Variants in JAK1 observed in about 807,000 individuals in gnomAD.
JAK1 encodes the protein Janus kinase 1, also known as tyrosine-protein kinase JAK1.
Under a neutral mutation model 136.6 loss-of-function variants are expected in JAK1, and 16 were observed. The ratio of observed to expected loss-of-function variants is 0.12; its 90% CI spans 0.08 to 0.18. The LOEUF is 0.18. Ranked by LOEUF, JAK1 falls within the 10% of genes least tolerant of loss-of-function variation. The pLI, the probability that JAK1 is intolerant of heterozygous loss-of-function variation, is 1.00. For missense variants in JAK1, 859 were observed against 1,450.1 expected (o/e 0.59, Z 6.62); for synonymous variants, 492 against 519.5 (o/e 0.95, Z 0.72).
chr1:64,973,019 C>A (rs759324912), intron 2 of JAK1: 3 of 151,788 alleles, frequency 2.0e-5, no homozygotes, highest in Non-Finnish European at 4.4e-5. Context: ...ACTGAGGAGG[C>A]TGAGGCAGGA....
rs1183218798 is a variant in JAK1, at chr1:64,928,778, C to CAAAAAAAAAAAAAAAAAAA, written c.-78+37554_-78+37555insTTTTTTTTTTTTTTTTTTT. Among the ~76,000 whole-genome samples, 65 of 61,116 alleles carry CAAAAAAAAAAAAAAAAAAA rather than the reference C, an allele frequency of 1.1e-3. 1 individual carries two copies. The highest frequency in any genetic ancestry group is 1.6e-3 in the Non-Finnish European group (52 of 31,840). The allele number at this position is 61,116 out of a possible 152,430, so 40.1% of individuals were successfully genotyped here. A position where few individuals can be genotyped will look rare whatever the true frequency, so the allele number is the denominator to read the frequency against. On this transcript the variant is annotated intron_variant, in intron 1 of 24. Transcript: ENST00000342505. ...AGGTTCTGAGTGCTATAAAACTCTGCAAAAAAAAAAAAAAAAAACAAAAAA... is the reference window on the plus strand; with the variant it reads ...AGGTTCTGAGTGCTATAAAACTCTGCAAAAAAAAAAAAAAAAAAAAAAAAAAAAAAAAAAAAACAAAAAA...
chr1:64,884,393 TG>T (rs1196378138), intron 2 of JAK1, among the ~76,000 whole-genome samples: 3 of 152,196 alleles, frequency 2.0e-5, no homozygotes, highest in Non-Finnish European at 2.9e-5. Context: ...ACTTTCTTCC[TG>T]TCTGCCAAGC....
intron 1 of JAK1, among the ~76,000 whole-genome samples, chr1:65,058,706 G>A (rs930850119): frequency 1.3e-5 from 2 of 152,142 alleles, no homozygotes; most frequent in Non-Finnish European, 2.9e-5. Context: ...AAATTAGAAT[G>A]AAAGATGAAC....
At chr1:64,954,361 A>G (rs1045796552) in intron 1 of JAK1, among the ~76,000 whole-genome samples, 2 of 152,206 alleles carry the variant, frequency 1.3e-5, no homozygotes, top group African/African-American at 4.8e-5. Flanking sequence ...ACACAGTAAA[A>G]GCTAATAAAT....
chr1:64,903,703 T>C (rs935737105), intron 1 of JAK1, among the ~76,000 whole-genome samples: 2 of 152,222 alleles, frequency 1.3e-5, no homozygotes, highest in African/African-American at 2.4e-5. Flanking sequence ...TTAGTGCTGA[T>C]AGCATCATAA....
intron 10 of JAK1, among the ~76,000 whole-genome samples, chr1:64,856,629 A>G (rs377298135): frequency 6.6e-6 from 1 of 152,196 alleles, no homozygotes; most frequent in African/African-American, 2.4e-5. Flanking sequence ...TAAACACATT[A>G]AACTTCCTCC....
At chr1:64,923,485 T>A (rs1401115612) in intron 1 of JAK1, among the ~76,000 whole-genome samples, 1 of 152,168 alleles carries the variant, frequency 6.6e-6, no homozygotes, top group African/African-American at 2.4e-5. Context: ...TTTTTAACAC[T>A]CCAAAACCAC....
intron 2 of JAK1, among the ~76,000 whole-genome samples, chr1:65,039,666 C>T (rs522815): frequency 0.13 from 20,324 of 152,090 alleles, 1,704 homozygotes; most frequent in East Asian, 0.33. Context: ...CATTGAGCTG[C>T]GTACCAGTGG....
chr1:64,848,796 G>A (rs193243301), intron 12 of JAK1, among the ~76,000 whole-genome samples: 1 of 152,284 alleles, frequency 6.6e-6, no homozygotes, highest in Admixed American at 6.5e-5. Context: ...GACTGTCACT[G>A]ATACCTAGGG....
chr1:64,868,672 C>T (rs888419858), intron 6 of JAK1, among the ~76,000 whole-genome samples: 1 of 152,138 alleles, frequency 6.6e-6, no homozygotes, highest in Non-Finnish European at 1.5e-5. Context: ...ACAAACAATG[C>T]AGCTACGAAA....
At chr1:65,028,253 A>G (rs1359264120) in intron 2 of JAK1, among the ~76,000 whole-genome samples, 1 of 151,948 alleles carries the variant, frequency 6.6e-6, no homozygotes, top group Non-Finnish European at 1.5e-5. Context: ...TCCCCTCACA[A>G]TTCTTATTCT....
chr1:65,002,152 C>T (rs1466174833), intron 2 of JAK1, among the ~76,000 whole-genome samples: 2 of 152,180 alleles, frequency 1.3e-5, no homozygotes, highest in African/African-American at 4.8e-5. Flanking sequence ...AACACACACA[C>T]GTATATACGT....
intron 1 of JAK1, among the ~76,000 whole-genome samples, chr1:65,056,649 G>T (rs1647553342): frequency 6.6e-6 from 1 of 152,160 alleles, no homozygotes; most frequent in South Asian, 2.1e-4. Flanking sequence ...GAGGCCGGGT[G>T]CAGTGGCTCA....
At chr1:65,010,553 C>T (rs897012310) in intron 2 of JAK1, among the ~76,000 whole-genome samples, 2 of 152,222 alleles carry the variant, frequency 1.3e-5, no homozygotes, top group Admixed American at 6.5e-5. Flanking sequence ...TGGACTGTAT[C>T]GTCCAGTTAA....
chr1:64,937,911 ACT>A (rs1645818812), intron 1 of JAK1, among the ~76,000 whole-genome samples: 1 of 151,758 alleles, frequency 6.6e-6, no homozygotes, highest in East Asian at 1.9e-4. Context: ...AGGGAGTCTC[ACT>A]CTGTCGCCCA....
At chr1:64,964,225 CAATA>C (rs2100644052) in intron 1 of JAK1, among the ~76,000 whole-genome samples, 1 of 152,190 alleles carries the variant, frequency 6.6e-6, no homozygotes, top group East Asian at 1.9e-4. Flanking sequence ...ACATCTCAGA[CAATA>C]AATCTTCTAA....
At chr1:64,960,125 G>A (rs984102438) in intron 1 of JAK1, among the ~76,000 whole-genome samples, 4 of 152,290 alleles carry the variant, frequency 2.6e-5, no homozygotes, top group African/African-American at 9.6e-5. Flanking sequence ...TACTCGGAAG[G>A]CTGAGGTGGG....
chr1:64,966,807 A>G (rs1256463789), upstream of JAK1, among the ~76,000 whole-genome samples: 1 of 151,072 alleles, frequency 6.6e-6, no homozygotes, highest in Admixed American at 6.6e-5. Context: ...GAGGTCATCT[A>G]TCGCGGGGAG....
intron 2 of JAK1, among the ~76,000 whole-genome samples, chr1:64,996,677 A>AT (rs1020426831): frequency 3.3e-5 from 5 of 152,188 alleles, no homozygotes; most frequent in Non-Finnish European, 5.9e-5. Context: ...ACCTGCGGTG[A>AT]TTTTTTCCCA....
Sources: allele counts gnomAD v4.1 joint callset (sites outside exome capture counted in the v4.1 genomes callset), GRCh38; gene constraint gnomAD v4.1.1; transcripts MANE v1.5; gene names NCBI Gene and HGNC (gene_info 2026-07-23, HGNC 2026-07-21).